ATP4B: variants seen among roughly 807,000 people sequenced by gnomAD.
ATP4B encodes the protein ATPase H+/K+ transporting subunit beta.
ATP4B carries 27 observed loss-of-function variants against 35.3 expected under a neutral mutation model. The ratio of observed to expected loss-of-function variants is 0.76; its 90% CI spans 0.56 to 1.05. The LOEUF is 1.05. ATP4B is among the 50% of genes least tolerant of loss of function. The pLI, the probability that ATP4B is intolerant of heterozygous loss-of-function variation, is 0.00. For missense variants in ATP4B, 375 were observed against 384.8 expected (o/e 0.97, Z 0.21); for synonymous variants, 162 against 156.0 (o/e 1.04, Z -0.29).
chr13:113,655,035 C>T (rs1023683736), intron 1 of ATP4B, 93 bp from the exon 2 acceptor site: 3 of 1,516,722 alleles, frequency 2.0e-6, no homozygotes, highest in Non-Finnish European at 2.7e-6. Context: ...GTGGCGTGAC[C>T]ATCTTCCCTA....
chr13:113,655,221 C>T (rs1486232028), intron 1 of ATP4B, among the ~76,000 whole-genome samples: 2 of 152,216 alleles, frequency 1.3e-5, no homozygotes, highest in Non-Finnish European at 2.9e-5. Context: ...GCTGCCTTCA[C>T]TCCAGCCGCT....
intron 1 of ATP4B, among the ~76,000 whole-genome samples, chr13:113,656,234 T>A (rs2049753442): frequency 6.6e-6 from 1 of 152,184 alleles, no homozygotes; most frequent in Admixed American, 6.5e-5. Flanking sequence ...TCACTCCTGA[T>A]GTGGCTTCTA....
chr13:113,649,294 T>C lies in ATP4B; in HGVS notation c.*80A>G, dbSNP rs2049693228. ...CTTTGGGGATGATTTGGCAGGGAAC[T>C]GACGGGCAAGGTAAGCCCAACCAGG... On this transcript the variant is annotated 3_prime_UTR_variant, in exon 7 of 7. Coordinates refer to ENST00000335288, the MANE Select transcript of ATP4B (RefSeq NM_000705.4). This position sits in a 1 kb window ranked among gnomAD's most constrained non-coding sequence, Gnocchi z 4.7. The C allele has an allele frequency of 8.0e-6, 12 of 1,491,546 alleles. No individual in the cohort carries two copies. In the South Asian group the frequency reaches 1.5e-4, roughly 19 times the overall value. 92.4% of individuals were successfully genotyped at this position (1,491,546 alleles called of 1,614,324 possible). A position where few individuals can be genotyped will look rare whatever the true frequency, so the allele number is the denominator to read the frequency against.
rs1237419743 is a variant in ATP4B at position 113,649,894 on chromosome 13, G to A, written c.715-359C>T. ...GTAGAAAAATTAGGCTGGGCGCAGT[G>A]GCTCATGCCTGTAATCCTAGCACTT... On this transcript the variant is annotated intron_variant, in intron 6 of 6. Coordinates refer to ENST00000335288, the MANE Select transcript of ATP4B (RefSeq NM_000705.4). The surrounding 1 kb of genome is among the most constrained non-coding windows in gnomAD (Gnocchi z 4.7). Among the ~76,000 whole-genome samples, 3 of 152,194 alleles carry A rather than the reference G, an allele frequency of 2.0e-5. No homozygotes were observed. Among genetic ancestry groups the A allele is most frequent in the Non-Finnish European group, 2.9e-5 (2 of 68,032 alleles).
At chr13:113,654,723 G>A in intron 2 of ATP4B, 91 bp downstream of exon 2, 1 of 1,496,326 alleles carries the variant, frequency 6.7e-7, no homozygotes, top group South Asian at 1.3e-5. Context: ...TCATTTCTGG[G>A]GAGGGCACGG....
rs1364840526 is a variant in ATP4B, at chr13:113,656,190, C to G, written c.113-1248G>C. Among the ~76,000 whole-genome samples the G allele has an allele frequency of 2.0e-5, 3 of 152,202 alleles. No homozygotes were observed. In the East Asian group the frequency reaches 5.8e-4, roughly 29 times the overall value. On this transcript the variant is annotated intron_variant, in intron 1 of 6. Transcript: ENST00000335288. ...GATCACGCCTGGTGCCTCCCTGGTG[C>G]TGGCCCTGCAGGTCCTGCCTCAGTG...
At chr13:113,652,827 G>T in intron 4 of ATP4B, 46 bp downstream of exon 4, 2 of 1,601,748 alleles carry the variant, frequency 1.2e-6, no homozygotes, top group South Asian at 2.2e-5. Flanking sequence ...GAGAGGCCCT[G>T]ACTGCACTGT....
intron 2 of ATP4B, among the ~76,000 whole-genome samples, chr13:113,653,868 G>T (rs574055092): frequency 6.1e-4 from 93 of 152,354 alleles, no homozygotes; most frequent in Non-Finnish European, 1.0e-3. Context: ...CACACAGCGG[G>T]GAGTGAAACG....
At chr13:113,651,057 C>T (rs1037800339) in intron 5 of ATP4B, among the ~76,000 whole-genome samples, 4 of 152,078 alleles carry the variant, frequency 2.6e-5, no homozygotes, top group East Asian at 1.9e-4. Context: ...CGGCCCCCAC[C>T]GAGAGTGGAG....
intron 1 of ATP4B, among the ~76,000 whole-genome samples, chr13:113,655,986 G>T (rs1019259186): frequency 1.9e-4 from 29 of 152,368 alleles, no homozygotes; most frequent in African/African-American, 7.0e-4. Flanking sequence ...CACCAGCTGG[G>T]CTCAGGGCTG....
chr13:113,653,685 G>C (rs949904463), intron 2 of ATP4B, among the ~76,000 whole-genome samples: 1 of 152,208 alleles, frequency 6.6e-6, no homozygotes, highest in African/African-American at 2.4e-5. Flanking sequence ...GGGGTGGCTG[G>C]CTCTCTCCAC....
In ATP4B at chr13:113,653,080, C is replaced by T. The variant is rs374974048; in HGVS notation, c.356-8G>A. 2.5e-4 allele frequency: 404 copies of T among 1,604,094 alleles called. No individual in the cohort carries two copies. The highest frequency in any genetic ancestry group is 3.1e-4 in the Non-Finnish European group (359 of 1,172,918). ...GGGCTGCTGGAGAGTAGCCTGCAGA[C>T]GGACGCACCTGCCAGCCCTGTCCTG... is the stretch of plus-strand genomic sequence containing the variant. On this transcript the variant is annotated splice_polypyrimidine_tract_variant and splice_region_variant and intron_variant, in intron 3 of 6. Coordinates refer to ENST00000335288, the MANE Select transcript of ATP4B (RefSeq NM_000705.4).
intron 1 of ATP4B, among the ~76,000 whole-genome samples, chr13:113,655,306 TG>T (rs1273046580): frequency 1.3e-5 from 2 of 152,192 alleles, no homozygotes; most frequent in African/African-American, 4.8e-5. Flanking sequence ...GGGGGAGTTA[TG>T]GTTCCCCCAT....
chr13:113,654,789 T>C (rs2049740257), intron 2 of ATP4B, 25 bp downstream of exon 2: 1 of 1,610,346 alleles, frequency 6.2e-7, no homozygotes, highest in Non-Finnish European at 8.5e-7. Flanking sequence ...TCACACGGCA[T>C]GGGGGCAACA....
At position 113,654,835 on chromosome 13, in the gene ATP4B, G is replaced by C. The variant is rs375485094; in HGVS notation, c.220C>G (p.Gln74Glu). 1.9e-5 allele frequency: 31 copies of C among 1,614,020 alleles called. No homozygotes were observed. The highest frequency in any genetic ancestry group is 2.5e-5 in the Non-Finnish European group (30 of 1,180,018). ...TTACCTGGTGACCGTAGCTGGTCTTGGTAGTCCGGTGTGTACGGGTCCACT... is the reference window on the plus strand; with the variant it reads ...TTACCTGGTGACCGTAGCTGGTCTTCGTAGTCCGGTGTGTACGGGTCCACT... ...QTVDPYTPDYQDQLRSPGVTL... is the reference protein window; with the variant it reads ...QTVDPYTPDYEDQLRSPGVTL... Residue 74 changes from glutamine (Q) to glutamate (E), a missense_variant, in exon 2 of 7, where the codon CAA becomes GAA. Coordinates refer to ENST00000335288, the MANE Select transcript of ATP4B (RefSeq NM_000705.4).
In ATP4B at chr13:113,653,021, T is replaced by G; in HGVS notation, c.407A>C (p.Tyr136Ser). The G allele has an allele frequency of 6.2e-7, 1 of 1,614,042 alleles. No individual in the cohort carries two copies. The highest frequency in any genetic ancestry group is 8.5e-7 in the Non-Finnish European group (1 of 1,179,956). ...EDSINCTSEQYFFQESFRAPN... is the reference protein window; with the variant it reads ...EDSINCTSEQSFFQESFRAPN... ...AGCGCGGAAACTCTCCTGGAAGAAG[T>G]ACTGCTCGGAGGTGCAGTTGATGCT... Residue 136 changes from tyrosine (Y) to serine (S), a missense_variant, in exon 4 of 7, where the codon TAC (tyrosine) becomes TCC (serine). Tyr to Ser is a moderately radical substitution (Grantham distance 144, BLOSUM62 -2). Coordinates refer to ENST00000335288, the MANE Select transcript of ATP4B (RefSeq NM_000705.4).
rs2049706313 is a variant in ATP4B at position 113,650,815 on chromosome 13, C to T, written c.613-308G>A. ...CTTGCTTGTCTGTACTCGAGGGTAG[C>T]CACTGCTCAGTGGCAAGGGCTGGTT... On this transcript the variant is annotated intron_variant, in intron 5 of 6. Transcript: ENST00000335288. This position sits in a 1 kb window ranked among gnomAD's most constrained non-coding sequence, Gnocchi z 5.0. Among the ~76,000 whole-genome samples, 1 of 152,064 alleles carries T rather than the reference C, an allele frequency of 6.6e-6. No homozygotes were observed.
At position 113,657,969 on chromosome 13, in the gene ATP4B, C is replaced by A. The variant is rs1566690315; in HGVS notation, c.112+64G>T. ...TCTGCTCCCCTCCTCCTGAGCTCAC[C>A]TGGAGGCTGCGTCCTCAGAGCGGCC... On this transcript the variant is annotated intron_variant, in intron 1 of 6. Coordinates refer to ENST00000335288, the MANE Select transcript of ATP4B (RefSeq NM_000705.4). 5.1e-6 allele frequency: 7 copies of A among 1,362,022 alleles called. No homozygotes were observed. The East Asian group carries it at 1.5e-4, about 29-fold the overall frequency. The allele number at this position is 1,362,022 out of a possible 1,614,324, so 84.4% of individuals were successfully genotyped here.
At position 113,652,938 on chromosome 13, in the gene ATP4B, C is replaced by T. The variant is rs770005587; in HGVS notation, c.490G>A (p.Gly164Ser). ...AAGCCGAAGTTGGGATCCGCCAGGC[C>T]TGAGCAGTTCTGCAGCATATCTGCC... ...FTADMLQNCSGLADPNFGFEE... is the reference protein window; with the variant it reads ...FTADMLQNCSSLADPNFGFEE... The change falls in exon 4 of 7, where the codon GGC becomes AGC. Residue 164 changes from glycine to serine, a missense_variant. Coordinates refer to ENST00000335288, the MANE Select transcript of ATP4B (RefSeq NM_000705.4). 2 of 1,614,096 alleles carry T rather than the reference C, an allele frequency of 1.2e-6. No homozygotes were observed. Among genetic ancestry groups the T allele is most frequent in the African/African-American group, 2.7e-5 (2 of 74,934 alleles).
Sources: gnomAD v4.1 joint callset for allele counts (sites outside exome capture counted in the v4.1 genomes callset) on GRCh38, gnomAD v4.1.1 for gene constraint, Gnocchi (gnomAD v3.1) non-coding constraint, MANE v1.5 for transcripts, NCBI Gene and HGNC (gene_info 2026-07-23, HGNC 2026-07-21) for gene names.